The following MGAT4D variants were observed in gnomAD, a reference collection of about 807,000 sequenced individuals.
MGAT4D encodes the protein alpha-1,3-mannosyl-glycoprotein 4-beta-N-acetylglucosaminyltransferase-like protein MGAT4D.
In MGAT4D, 34 loss-of-function variants were observed where a neutral mutation model predicts 15.9. The observed-to-expected ratio is 2.14, with a 90% CI of 1.62 to 2.84. The LOEUF (loss-of-function observed/expected upper bound fraction) is 2.84. Ranked by LOEUF, MGAT4D falls within the 30% of genes most tolerant of loss-of-function variation. The pLI, the probability that MGAT4D is intolerant of heterozygous loss-of-function variation, is 0.00. For missense variants in MGAT4D, 327 were observed against 140.2 expected (o/e 2.33, Z -6.73); for synonymous variants, 112 against 48.2 (o/e 2.33, Z -5.49).
intron 10 of MGAT4D, chr4:140,450,101 T>C (rs765101398): frequency 2.8e-6 from 1 of 359,792 alleles, no homozygotes; most frequent in South Asian, 6.0e-5. Context: ...TTTAGAAACA[T>C]GAAACTCCTA....
intron 7 of MGAT4D, among the ~76,000 whole-genome samples, chr4:140,459,944 G>C (rs1731061502): frequency 1.3e-5 from 2 of 151,774 alleles, no homozygotes; most frequent in African/African-American, 4.8e-5. Flanking sequence ...TGCTGCCCAG[G>C]CTGGTTTCGA....
chr4:140,450,018 A>C, intron 10 of MGAT4D: 1 of 280,434 alleles, frequency 3.6e-6, no homozygotes, highest in Non-Finnish European at 6.6e-6. Context: ...GTAGTCGCTT[A>C]AGAAAGTTGA....
At chr4:140,487,393 T>G (rs1360461419) in intron 1 of MGAT4D, among the ~76,000 whole-genome samples, 1 of 152,190 alleles carries the variant, frequency 6.6e-6, no homozygotes, top group African/African-American at 2.4e-5. Context: ...TGCCACTGAT[T>G]TGTGCCTCTC....
At chr4:140,480,026 A>T (rs1011740065) in intron 2 of MGAT4D, among the ~76,000 whole-genome samples, 1 of 152,160 alleles carries the variant, frequency 6.6e-6, no homozygotes, top group African/African-American at 2.4e-5. Flanking sequence ...TGTAAACTTC[A>T]TTAGAAGTTG....
At chr4:140,497,086 A>T (rs945657791) in intron 1 of MGAT4D, among the ~76,000 whole-genome samples, 5 of 152,198 alleles carry the variant, frequency 3.3e-5, no homozygotes, top group Non-Finnish European at 7.3e-5. Context: ...TTTTGTGTAT[A>T]TGATGATAAA....
intron 1 of MGAT4D, among the ~76,000 whole-genome samples, chr4:140,491,701 T>C (rs955475387): frequency 6.6e-5 from 10 of 151,580 alleles, no homozygotes; most frequent in African/African-American, 2.4e-4. Flanking sequence ...GAGATGGATA[T>C]CCCTTAAGGG....
intron 8 of MGAT4D, chr4:140,457,139 A>G (rs1435821899): frequency 6.6e-6 from 1 of 152,006 alleles, no homozygotes; most frequent in Non-Finnish European, 1.5e-5. Flanking sequence ...AATTTTATTA[A>G]AGTACTCTCA....
At chr4:140,464,711 T>C (rs1002171811) in intron 6 of MGAT4D, among the ~76,000 whole-genome samples, 185 bp downstream of exon 6, 1 of 152,228 alleles carries the variant, frequency 6.6e-6, no homozygotes, top group Non-Finnish European at 1.5e-5. Flanking sequence ...CTGTGGCTAA[T>C]GCTATCAACT....
chr4:140,490,426 C>G (rs1369941162), intron 1 of MGAT4D, among the ~76,000 whole-genome samples: 1 of 152,192 alleles, frequency 6.6e-6, no homozygotes, highest in African/African-American at 2.4e-5. Flanking sequence ...AACCTGAACG[C>G]TGGAACTCTT....
At chr4:140,474,158 T>C (rs1284659062) in intron 4 of MGAT4D, among the ~76,000 whole-genome samples, 1 of 152,166 alleles carries the variant, frequency 6.6e-6, no homozygotes, top group Non-Finnish European at 1.5e-5. Context: ...CACAGTACTA[T>C]ATAGTTTTAA....
Position 140,474,798 on chromosome 4 carries a change from ATT to A in MGAT4D, c.525+13_525+14del, listed in dbSNP as rs1578687052. 1 of 649,118 alleles carries A rather than the reference ATT, an allele frequency of 1.5e-6. No individual in the cohort carries two copies. The highest frequency in any genetic ancestry group is 1.8e-5 in the African/African-American group (1 of 54,412). 40.2% of individuals were successfully genotyped at this position (649,118 alleles called of 1,614,324 possible). A position where few individuals can be genotyped will look rare whatever the true frequency, so the allele number is the denominator to read the frequency against. On this transcript the variant is annotated intron_variant, in intron 4 of 10. Transcript: ENST00000511113. ...AGGGTGAGGATAAGGAGAGCTCCTT[ATT>A]TTGTATACGTACATCTGCAACCAAG... is the stretch of plus-strand genomic sequence containing the variant.
intron 5 of MGAT4D, among the ~76,000 whole-genome samples, chr4:140,469,657 CTTGA>C (rs1731783624): frequency 6.6e-6 from 1 of 152,194 alleles, no homozygotes; most frequent in South Asian, 2.1e-4. Flanking sequence ...GGTCCCACTT[CTTGA>C]TTGTTTTGCC....
At position 140,442,857 on chromosome 4, in the gene MGAT4D, T is replaced by C. The variant is rs757384660; in HGVS notation, c.*579A>G. Reference sequence around the variant, plus strand: ...AATAATCTGTGTGTTAAGAAGGCAATGATGAGAGAAACTATGAAATCTTTA... The same window carrying C: ...AATAATCTGTGTGTTAAGAAGGCAACGATGAGAGAAACTATGAAATCTTTA... On this transcript the variant is annotated 3_prime_UTR_variant, in exon 11 of 11. Coordinates refer to ENST00000511113, the MANE Select transcript of MGAT4D (RefSeq NM_001277353.2). 1 of 152,044 alleles carries C rather than the reference T, an allele frequency of 6.6e-6. No individual in the cohort carries two copies. The highest frequency in any genetic ancestry group is 1.5e-5 in the Non-Finnish European group (1 of 67,972). The allele number at this position is 152,044 out of a possible 1,614,324, so 9.4% of individuals were successfully genotyped here. A position where few individuals can be genotyped will look rare whatever the true frequency, so the allele number is the denominator to read the frequency against.
intron 1 of MGAT4D, among the ~76,000 whole-genome samples, chr4:140,490,440 T>C (rs1476568092): frequency 6.6e-6 from 1 of 152,216 alleles, no homozygotes; most frequent in African/African-American, 2.4e-5. Flanking sequence ...AACTCTTTCA[T>C]ATGCGATGGG....
In MGAT4D at chr4:140,489,677, G is replaced by A. The variant is rs1401070165; in HGVS notation, c.95-7192C>T. ...GCTTTTGAGATTTATTTATATTGAC[G>A]AATCAAGCTGTAGTTTATTCATTTT... On this transcript the variant is annotated intron_variant, in intron 1 of 10. Coordinates refer to ENST00000511113, the MANE Select transcript of MGAT4D (RefSeq NM_001277353.2). Among the ~76,000 whole-genome samples the A allele has an allele frequency of 2.6e-5, 4 of 152,114 alleles. No individual in the cohort carries two copies. The East Asian group carries it at 5.8e-4, about 22-fold the overall frequency.
intron 5 of MGAT4D, among the ~76,000 whole-genome samples, chr4:140,467,665 A>C (rs555114624): frequency 6.6e-6 from 1 of 152,282 alleles, no homozygotes; most frequent in Admixed American, 6.5e-5. Flanking sequence ...TATATACAGC[A>C]TCAAAAGCCC....
At chr4:140,470,937 T>C in intron 5 of MGAT4D, among the ~76,000 whole-genome samples, 1 of 150,382 alleles carries the variant, frequency 6.6e-6, no homozygotes, top group Non-Finnish European at 1.5e-5. Flanking sequence ...CAGGTAGGAG[T>C]GCAGTGGCAT....
intron 1 of MGAT4D, among the ~76,000 whole-genome samples, chr4:140,492,365 C>T (rs771655806): frequency 1.3e-5 from 2 of 152,074 alleles, no homozygotes; most frequent in East Asian, 1.9e-4. Context: ...TGGAGCCCTT[C>T]GTGAATTTCT....
chr4:140,456,565 G>T, intron 9 of MGAT4D, 24 bp downstream of exon 9: 7 of 584,564 alleles, frequency 1.2e-5, no homozygotes, highest in Admixed American at 3.0e-5. Context: ...TAAAATATTT[G>T]GTATTCATAA....
Sources: allele counts gnomAD v4.1 joint callset (sites outside exome capture counted in the v4.1 genomes callset), GRCh38; gene constraint gnomAD v4.1.1; transcripts MANE v1.5; gene names NCBI Gene and HGNC (gene_info 2026-07-23, HGNC 2026-07-21).